The following ARMH3 variants were observed in gnomAD, a reference collection of about 807,000 sequenced individuals.
ARMH3 encodes the protein armadillo like helical domain containing 3, also known as armadillo-like helical domain-containing protein 3.
A neutral mutation model predicts 99.1 loss-of-function variants in ARMH3; 60 were observed. The ratio of observed to expected loss-of-function variants is 0.61; its 90% confidence interval spans 0.49 to 0.75. The LOEUF is 0.75. ARMH3 is among the 30% of genes least tolerant of loss of function. The pLI is 0.00. For synonymous variants in ARMH3, 285 were observed against 292.8 expected (o/e 0.97, Z 0.27); for missense variants, 679 against 843.1 (o/e 0.81, Z 2.41).
At chr10:101,938,144 C>T (rs1310275881) in intron 23 of ARMH3, among the ~76,000 whole-genome samples, 1 of 152,234 alleles carries the variant, frequency 6.6e-6, no homozygotes, top group Non-Finnish European at 1.5e-5. Flanking sequence ...GCCAGGATTA[C>T]AGGCGTGAGC....
At chr10:102,011,199 C>A (rs1410994163) in intron 11 of ARMH3, among the ~76,000 whole-genome samples, 1 of 152,040 alleles carries the variant, frequency 6.6e-6, no homozygotes, top group East Asian at 1.9e-4. Context: ...TAAGCCCAAA[C>A]CCTAAGCTAT....
chr10:101,965,707 T>C (rs1845501213), intron 20 of ARMH3, among the ~76,000 whole-genome samples: 1 of 152,232 alleles, frequency 6.6e-6, no homozygotes, highest in Non-Finnish European at 1.5e-5. Flanking sequence ...GTTTAAGTTG[T>C]AGGGAAGTGA....
At chr10:101,960,959 T>C (rs1435858305) in intron 20 of ARMH3, among the ~76,000 whole-genome samples, 3 of 151,112 alleles carry the variant, frequency 2.0e-5, no homozygotes, top group Non-Finnish European at 2.9e-5. Context: ...GAAAGTGGGG[T>C]TACAGCTTAC....
chr10:101,955,215 C>T (rs1320406701), intron 22 of ARMH3, among the ~76,000 whole-genome samples: 1 of 152,134 alleles, frequency 6.6e-6, no homozygotes, highest in African/African-American at 2.4e-5. Context: ...CTTGATGGGA[C>T]AACTGAGATT....
chr10:102,055,429 C>T (rs186115411), intron 1 of ARMH3, among the ~76,000 whole-genome samples: 127 of 152,310 alleles, frequency 8.3e-4, no homozygotes, highest in Non-Finnish European at 8.2e-4. Flanking sequence ...CCCCATTCGC[C>T]AGGGGCAGCA....
chr10:102,017,144 T>C (rs1351643338), intron 8 of ARMH3, among the ~76,000 whole-genome samples: 2 of 152,358 alleles, frequency 1.3e-5, no homozygotes, highest in East Asian at 1.9e-4. Flanking sequence ...CCCAGCACAC[T>C]GCCTCATGCT....
intron 20 of ARMH3, among the ~76,000 whole-genome samples, chr10:101,963,531 A>G (rs993920272): frequency 1.3e-5 from 2 of 152,182 alleles, no homozygotes; most frequent in Admixed American, 1.3e-4. Flanking sequence ...TCAGCCCTAC[A>G]AAGTGCTGAC....
rs930235077 is a variant in ARMH3, at chr10:101,957,520, T to C, written c.1578+130A>G. ...TGGGGACCACCAGTCCAGATTCGGA[T>C]CCAAAAAATATATATAGGTCTGGTT... On this transcript the variant is annotated intron_variant, in intron 21 of 25. Transcript: ENST00000370033. The C allele has an allele frequency of 5.6e-4, 552 of 992,274 alleles. 7 individuals are homozygous for C. The East Asian group carries it at 0.01, about 19-fold the overall frequency. 61.5% of individuals were successfully genotyped at this position (992,274 alleles called of 1,614,324 possible).
intron 18 of ARMH3, among the ~76,000 whole-genome samples, chr10:101,991,711 T>G (rs1375832788): frequency 1.3e-5 from 2 of 152,182 alleles, no homozygotes; most frequent in Admixed American, 1.3e-4. Flanking sequence ...TTGTAAATCA[T>G]GTATCAAGTT....
chr10:101,910,157 T>C (rs1387577733), intron 23 of ARMH3, among the ~76,000 whole-genome samples: 4 of 152,260 alleles, frequency 2.6e-5, no homozygotes, highest in African/African-American at 7.2e-5. Context: ...AAATGCCTAG[T>C]CCTTGGTGAA....
intron 20 of ARMH3, among the ~76,000 whole-genome samples, chr10:101,958,660 ACCTT>A (rs1845149971): frequency 6.6e-6 from 1 of 151,348 alleles, no homozygotes; most frequent in African/African-American, 2.4e-5. Context: ...ACAAACCCCC[ACCTT>A]CCACAGACCC....
At chr10:101,953,445 G>C (rs1844888889) in intron 22 of ARMH3, among the ~76,000 whole-genome samples, 1 of 151,802 alleles carries the variant, frequency 6.6e-6, no homozygotes, top group South Asian at 2.1e-4. Flanking sequence ...ATTTTTAGTA[G>C]AGACAGGGTT....
chr10:102,005,361 T>G (rs2066458846), intron 14 of ARMH3, among the ~76,000 whole-genome samples: 1 of 124,756 alleles, frequency 8.0e-6, no homozygotes, highest in East Asian at 2.3e-4. Context: ...CTAGCCTAAA[T>G]GACAGCAAGA....
chr10:101,885,023 A>G (rs1230832332), intron 24 of ARMH3, among the ~76,000 whole-genome samples: 2 of 152,246 alleles, frequency 1.3e-5, no homozygotes, highest in Non-Finnish European at 2.9e-5. Context: ...AATTTCTCCA[A>G]AGATGATCTA....
intron 23 of ARMH3, among the ~76,000 whole-genome samples, chr10:101,927,797 A>T (rs906876841): frequency 3.9e-5 from 6 of 152,150 alleles, no homozygotes; most frequent in Admixed American, 3.3e-4. Flanking sequence ...GAAGAGCTGG[A>T]TGCAGTGGCT....
At chr10:102,009,758 G>A (rs1414511052) in intron 12 of ARMH3, among the ~76,000 whole-genome samples, 2 of 152,274 alleles carry the variant, frequency 1.3e-5, no homozygotes, top group African/African-American at 4.8e-5. Flanking sequence ...TGCAGAGATA[G>A]TCTGGCAACA....
chr10:101,855,479 G>A (rs1447587555), intron 24 of ARMH3, among the ~76,000 whole-genome samples: 1 of 151,356 alleles, frequency 6.6e-6, no homozygotes, highest in African/African-American at 2.4e-5. Flanking sequence ...GGAGGCCGAG[G>A]TGGGAGGATC....
At chr10:101,969,993 T>C (rs1334693637) in intron 20 of ARMH3, among the ~76,000 whole-genome samples, 2 of 152,158 alleles carry the variant, frequency 1.3e-5, no homozygotes. Flanking sequence ...AAAATGTCAG[T>C]ATAAATCTGC....
chr10:101,962,185 T>C (rs556458717), intron 20 of ARMH3, among the ~76,000 whole-genome samples: 1 of 152,296 alleles, frequency 6.6e-6, no homozygotes, highest in South Asian at 2.1e-4. Flanking sequence ...GCAGAGAATA[T>C]CCTTTTGGGT....
Sources: allele counts gnomAD v4.1 joint callset (sites outside exome capture counted in the v4.1 genomes callset), GRCh38; gene constraint gnomAD v4.1.1; transcripts MANE v1.5; gene names NCBI Gene and HGNC (gene_info 2026-07-23, HGNC 2026-07-21).